SPATS2: variants seen among roughly 807,000 people sequenced by gnomAD.
SPATS2 encodes spermatogenesis-associated serine-rich protein 2.
A neutral mutation model predicts 63.7 loss-of-function variants in SPATS2; 38 were observed. The observed-to-expected ratio is 0.60, with a 90% CI of 0.46 to 0.78. The LOEUF (loss-of-function observed/expected upper bound fraction) is 0.78. SPATS2 is among the 30% of genes least tolerant of loss of function. The pLI, the probability that SPATS2 is intolerant of heterozygous loss-of-function variation, is 0.00. For synonymous variants in SPATS2, 207 were observed against 232.9 expected (o/e 0.89, Z 1.01); for missense variants, 588 against 666.2 (o/e 0.88, Z 1.29).
intron 9 of SPATS2, among the ~76,000 whole-genome samples, chr12:49,502,602 A>G (rs934418259): frequency 2.0e-5 from 3 of 152,024 alleles, no homozygotes. Flanking sequence ...GACTACAAGC[A>G]TGTGCCACCA....
chr12:49,507,997 CATT>C (rs2137998544), intron 9 of SPATS2, among the ~76,000 whole-genome samples: 1 of 152,294 alleles, frequency 6.6e-6, no homozygotes, highest in East Asian at 1.9e-4. Flanking sequence ...ATCTATATAA[CATT>C]ATCACTTGTG....
chr12:49,436,727 C>CG (rs895557135), intron 2 of SPATS2, among the ~76,000 whole-genome samples: 9 of 137,302 alleles, frequency 6.6e-5, no homozygotes, highest in African/African-American at 1.9e-4. Flanking sequence ...GCTGGCCGGG[C>CG]GGGGGGCTGA....
intron 3 of SPATS2, among the ~76,000 whole-genome samples, chr12:49,484,174 G>T (rs1342554513): frequency 2.0e-5 from 3 of 152,170 alleles, no homozygotes; most frequent in African/African-American, 7.2e-5. Flanking sequence ...TATGGTTCTG[G>T]CTAGAAGAGG....
intron 3 of SPATS2, among the ~76,000 whole-genome samples, chr12:49,468,987 TTACACCTG>T (rs1945980548): frequency 6.6e-6 from 1 of 152,136 alleles, no homozygotes; most frequent in South Asian, 2.1e-4. Context: ...GTACAGTGGC[TTACACCTG>T]TAATCTCAGC....
intron 2 of SPATS2, among the ~76,000 whole-genome samples, chr12:49,400,991 G>C (rs568219253): frequency 2.0e-5 from 3 of 152,210 alleles, no homozygotes; most frequent in African/African-American, 7.2e-5. Flanking sequence ...TCCCACCTCA[G>C]CCTCCCAAGT....
intron 2 of SPATS2, among the ~76,000 whole-genome samples, chr12:49,374,846 A>G (rs1247259725): frequency 6.7e-6 from 1 of 149,594 alleles, no homozygotes; most frequent in Non-Finnish European, 1.5e-5. Context: ...CTGTAATCCC[A>G]GTTACTCAGG....
chr12:49,408,005 G>T (rs1160298517), intron 2 of SPATS2, among the ~76,000 whole-genome samples: 3 of 152,216 alleles, frequency 2.0e-5, no homozygotes, highest in Non-Finnish European at 1.5e-5. Context: ...ACACAAAGCA[G>T]ACGACTGATT....
In SPATS2 at chr12:49,524,845, T is replaced by C; in HGVS notation, c.1275T>C (p.Thr425=). The change falls in exon 13 of 14, where the codon ACT becomes ACC. Residue 425 remains threonine (T), a synonymous_variant. Transcript: ENST00000552918. The part of the protein sequence containing the change: ...ANKKNFAPGE[T]PAAIANSSGQ... ...AGAAAAACTTTGCACCGGGAGAGAC[T>C]CCTGCAGCCATAGCAAACTCCAGTG... 6.2e-7 allele frequency: 1 copy of C among 1,612,818 alleles called. No homozygotes were observed. The highest frequency in any genetic ancestry group is 8.5e-7 in the Non-Finnish European group (1 of 1,179,766).
At chr12:49,460,256 C>A (rs1426761959) in intron 2 of SPATS2, among the ~76,000 whole-genome samples, 1 of 152,186 alleles carries the variant, frequency 6.6e-6, no homozygotes, top group African/African-American at 2.4e-5. Context: ...GAGATAGAGA[C>A]TATCCTGGTC....
At chr12:49,436,220 C>T (rs1246127032) in intron 2 of SPATS2, among the ~76,000 whole-genome samples, 24 of 149,564 alleles carry the variant, frequency 1.6e-4, no homozygotes, top group Admixed American at 1.1e-3. Context: ...TAGGGGCGGC[C>T]GGGCAGAGGC....
At chr12:49,514,385 A>G in intron 9 of SPATS2, 170 bp from the exon 10 acceptor site, 1 of 570,862 alleles carries the variant, frequency 1.8e-6, no homozygotes, top group East Asian at 3.0e-5. Flanking sequence ...ATCTTAAAAT[A>G]TTCTTTGTTG....
intron 13 of SPATS2, among the ~76,000 whole-genome samples, 164 bp from the exon 14 acceptor site, chr12:49,525,780 A>G (rs1057060641): frequency 6.6e-6 from 1 of 152,264 alleles, no homozygotes; most frequent in Non-Finnish European, 1.5e-5. Context: ...GTTCTGAAGT[A>G]GTGGCTAGGT....
chr12:49,461,183 C>G (rs1945815664), intron 3 of SPATS2, 146 bp downstream of exon 3: 1 of 804,888 alleles, frequency 1.2e-6, no homozygotes, highest in African/African-American at 1.8e-5. Context: ...TTGTGTATTA[C>G]TAGTCTGGGA....
chr12:49,381,102 A>G (rs941711133), intron 2 of SPATS2, among the ~76,000 whole-genome samples: 4 of 152,094 alleles, frequency 2.6e-5, no homozygotes, highest in Admixed American at 6.6e-5. Flanking sequence ...GTAGATGTGA[A>G]GTGGTATCTC....
At position 49,519,104 on chromosome 12, in the gene SPATS2, T is replaced by C. The variant is rs1477157464; in HGVS notation, c.930T>C (p.Ala310=). ...TTTTGCTCAGCCGACAAAAGAAGGCTGAACTTCTAAAGAAGATGACTCATG... is the reference window on the plus strand; with the variant it reads ...TTTTGCTCAGCCGACAAAAGAAGGCCGAACTTCTAAAGAAGATGACTCATG... ...MEILLSRQKK[A]ELLKKMTHVA... Residue 310 remains alanine, a synonymous_variant, in exon 11 of 14, where the codon GCT becomes GCC. Coordinates refer to ENST00000552918, the MANE Select transcript of SPATS2 (RefSeq NM_023071.4). 1.9e-6 allele frequency: 3 copies of C among 1,614,022 alleles called. No homozygotes were observed. Among genetic ancestry groups the C allele is most frequent in the Non-Finnish European group, 1.7e-6 (2 of 1,179,974 alleles).
At chr12:49,486,431 C>A in intron 4 of SPATS2, 1 of 266,496 alleles carries the variant, frequency 3.8e-6, no homozygotes, top group Non-Finnish European at 7.5e-6. Flanking sequence ...TCTCAATCTC[C>A]TGCGTGATCC....
chr12:49,479,617 C>A (rs1946173367), intron 3 of SPATS2, among the ~76,000 whole-genome samples: 1 of 152,138 alleles, frequency 6.6e-6, no homozygotes, highest in South Asian at 2.1e-4. Context: ...GTTCCTGCCC[C>A]AACTCAGAAG....
At chr12:49,507,142 A>G (rs1053403530) in intron 9 of SPATS2, among the ~76,000 whole-genome samples, 1 of 152,222 alleles carries the variant, frequency 6.6e-6, no homozygotes, top group African/African-American at 2.4e-5. Flanking sequence ...CTAAATCACT[A>G]TTATTCTTAA....
At chr12:49,383,239 G>C (rs905694963) in intron 2 of SPATS2, among the ~76,000 whole-genome samples, 1 of 151,888 alleles carries the variant, frequency 6.6e-6, no homozygotes, top group Admixed American at 6.6e-5. Context: ...GGCTGGTCTC[G>C]AATTCCTGAC....
Sources: allele counts gnomAD v4.1 joint callset (sites outside exome capture counted in the v4.1 genomes callset), GRCh38; gene constraint gnomAD v4.1.1; transcripts MANE v1.5; gene names NCBI Gene and HGNC (gene_info 2026-07-23, HGNC 2026-07-21).